The following RNF220 variants were observed in gnomAD, a reference collection of about 807,000 sequenced individuals.
The protein encoded by RNF220 is E3 ubiquitin-protein ligase RNF220.
Under a neutral mutation model 67.1 loss-of-function variants are expected in RNF220, and 7 were observed. The observed-to-expected ratio is 0.10, with a 90% CI of 0.06 to 0.20. The LOEUF is 0.20. Ranked by LOEUF, RNF220 falls within the 10% of genes least tolerant of loss-of-function variation. The pLI is 1.00. For synonymous variants in RNF220, 270 were observed against 283.2 expected (o/e 0.95, Z 0.47); for missense variants, 565 against 740.3 (o/e 0.76, Z 2.75).
intron 2 of RNF220, among the ~76,000 whole-genome samples, chr1:44,518,917 G>C (rs1659687243): frequency 6.6e-6 from 1 of 151,886 alleles, no homozygotes; most frequent in African/African-American, 2.4e-5. Context: ...ATCCTGATTA[G>C]AAGGTGAACT....
chr1:44,537,028 C>G (rs372357916), intron 2 of RNF220, among the ~76,000 whole-genome samples: 4 of 151,250 alleles, frequency 2.6e-5, no homozygotes, highest in African/African-American at 9.7e-5. Flanking sequence ...AATTAGGCCC[C>G]GGGACCACAC....
At chr1:44,468,932 G>T (rs891582491) in intron 2 of RNF220, among the ~76,000 whole-genome samples, 3 of 151,334 alleles carry the variant, frequency 2.0e-5, no homozygotes, top group Non-Finnish European at 4.4e-5. Flanking sequence ...AAAAAGAATA[G>T]AATTGTTTAG....
At chr1:44,644,029 T>C (rs1644562747) in intron 8 of RNF220, 1 of 153,482 alleles carries the variant, frequency 6.5e-6, no homozygotes, top group Non-Finnish European at 1.5e-5. Flanking sequence ...CATGGACTGC[T>C]TTGAGAAGTA....
chr1:44,430,867 A>T (rs1186924660), intron 2 of RNF220, among the ~76,000 whole-genome samples: 1 of 152,224 alleles, frequency 6.6e-6, no homozygotes, highest in Non-Finnish European at 1.5e-5. Flanking sequence ...TTTTTAAAAG[A>T]TGATTCAGAA....
intron 2 of RNF220, among the ~76,000 whole-genome samples, chr1:44,429,178 A>G (rs1650095205): frequency 6.6e-6 from 1 of 152,118 alleles, no homozygotes; most frequent in Admixed American, 6.6e-5. Flanking sequence ...CTTAAAAAAA[A>G]AGCTGGGGGG....
At chr1:44,603,484 G>A (rs1452797587) in intron 2 of RNF220, among the ~76,000 whole-genome samples, 1 of 152,276 alleles carries the variant, frequency 6.6e-6, no homozygotes. Context: ...ACCCAAGCAG[G>A]ATTCAGAGCT....
intron 5 of RNF220, chr1:44,631,937 C>G (rs1224946864): frequency 2.0e-6 from 2 of 989,100 alleles, no homozygotes; most frequent in Non-Finnish European, 2.4e-6. Flanking sequence ...ACTTTCACCC[C>G]CAGCGCGCGA....
At chr1:44,534,376 A>G (rs189564149) in intron 2 of RNF220, among the ~76,000 whole-genome samples, 5 of 151,930 alleles carry the variant, frequency 3.3e-5, no homozygotes, top group Admixed American at 6.6e-5. Flanking sequence ...CACAGTGTGC[A>G]GGTTTGTTAC....
intron 1 of RNF220, 100 bp from the exon 2 acceptor site, chr1:44,411,881 G>A: frequency 1.8e-6 from 1 of 541,918 alleles, no homozygotes; most frequent in Non-Finnish European, 3.3e-6. Context: ...CCGAGCATCT[G>A]TGAGCCAGAA....
chr1:44,523,149 C>T (rs1409173052), intron 2 of RNF220, among the ~76,000 whole-genome samples: 1 of 152,206 alleles, frequency 6.6e-6, no homozygotes, highest in East Asian at 1.9e-4. Flanking sequence ...AATGTTTTGT[C>T]TGTAGAGTTG....
chr1:44,587,718 A>C (rs1325921002), intron 2 of RNF220, among the ~76,000 whole-genome samples: 1 of 152,142 alleles, frequency 6.6e-6, no homozygotes, highest in Non-Finnish European at 1.5e-5. Context: ...CCGATAACTT[A>C]ACCTGCTTGA....
At chr1:44,416,813 GCTTTGCTCTCAT>G (rs2147819322) in intron 2 of RNF220, among the ~76,000 whole-genome samples, 1 of 152,340 alleles carries the variant, frequency 6.6e-6, no homozygotes, top group African/African-American at 2.4e-5. Context: ...TGGATGTTCT[GCTTTGCTCTCAT>G]CTTTGATGTA....
intron 2 of RNF220, among the ~76,000 whole-genome samples, chr1:44,522,713 G>A (rs932764708): frequency 6.6e-6 from 1 of 152,122 alleles, no homozygotes; most frequent in Non-Finnish European, 1.5e-5. Flanking sequence ...TGCAATGCCC[G>A]GGGACCATCT....
At chr1:44,647,340 C>A (rs771893739) in intron 12 of RNF220, among the ~76,000 whole-genome samples, 3 of 152,184 alleles carry the variant, frequency 2.0e-5, no homozygotes, top group Non-Finnish European at 4.4e-5. Flanking sequence ...ATCCTTGTCT[C>A]CTTATCAGGA....
intron 2 of RNF220, among the ~76,000 whole-genome samples, chr1:44,582,679 T>C (rs1281088505): frequency 6.9e-6 from 1 of 145,208 alleles, no homozygotes; most frequent in Non-Finnish European, 1.5e-5. Context: ...ATTGATTGAA[T>C]CCGGAAGGCG....
At chr1:44,640,486 A>C (rs778034956) in intron 8 of RNF220, among the ~76,000 whole-genome samples, 1 of 152,340 alleles carries the variant, frequency 6.6e-6, no homozygotes, top group East Asian at 1.9e-4. Flanking sequence ...GCCTTTTGGA[A>C]CACAATTGTT....
At chr1:44,405,918 C>T (rs897971613) in intron 1 of RNF220, among the ~76,000 whole-genome samples, 4 of 152,232 alleles carry the variant, frequency 2.6e-5, no homozygotes, top group African/African-American at 9.6e-5. Context: ...TTAATAAGCC[C>T]CATTCCCACT....
intron 2 of RNF220, among the ~76,000 whole-genome samples, chr1:44,605,716 C>G (rs1208237797): frequency 6.6e-6 from 1 of 152,128 alleles, no homozygotes; most frequent in Non-Finnish European, 1.5e-5. Flanking sequence ...CTGGGAAGGC[C>G]ACGTGGAAGA....
At chr1:44,545,881 C>G (rs1019092057) in intron 2 of RNF220, among the ~76,000 whole-genome samples, 1 of 151,970 alleles carries the variant, frequency 6.6e-6, no homozygotes. Flanking sequence ...CACAGTCTCC[C>G]GAGTAGCTGG....
Sources: allele counts gnomAD v4.1 joint callset (sites outside exome capture counted in the v4.1 genomes callset), GRCh38; gene constraint gnomAD v4.1.1; transcripts MANE v1.5; gene names NCBI Gene and HGNC (gene_info 2026-07-23, HGNC 2026-07-21).